Variants in C8orf34 observed in about 807,000 individuals in gnomAD.
C8orf34 encodes chromosome 8 open reading frame 34, also known as uncharacterized protein C8orf34.
Under a neutral mutation model 68.3 loss-of-function variants are expected in C8orf34, and 65 were observed. The observed-to-expected ratio is 0.95, with a 90% CI of 0.78 to 1.17. C8orf34 has a LOEUF of 1.17. Ranked by LOEUF, C8orf34 falls within the 50% of genes most tolerant of loss-of-function variation. The pLI is 0.00. For missense variants in C8orf34, 664 were observed against 655.4 expected (o/e 1.01, Z -0.14); for synonymous variants, 244 against 241.2 (o/e 1.01, Z -0.11).
At chr8:68,337,204 A>G (rs1466185835) in intron 1 of C8orf34, among the ~76,000 whole-genome samples, 1 of 152,208 alleles carries the variant, frequency 6.6e-6, no homozygotes, top group East Asian at 1.9e-4. Flanking sequence ...TGTAAATTAT[A>G]AAGGGAAAAA....
At chr8:68,641,024 T>C (rs981116507) in intron 8 of C8orf34, among the ~76,000 whole-genome samples, 1 of 152,230 alleles carries the variant, frequency 6.6e-6, no homozygotes, top group African/African-American at 2.4e-5. Context: ...AGCTTGTAGT[T>C]ACTGCCAAGT....
At position 68,533,062 on chromosome 8, in the gene C8orf34, C is replaced by G; in HGVS notation, c.1018C>G (p.Gln340Glu). ...GAAACTCCTGGCCGCAATGCTCTCT[C>G]AAGATTCTTTTGAGTCCATCCACAG... is the stretch of plus-strand genomic sequence containing the variant. ...HKKLLAAMLS[Q>E]DSFESIHSPT... is the part of the protein sequence containing the mutation. Residue 340 changes from glutamine (Q) to glutamate (E), a missense_variant, in exon 7 of 14, where the codon CAA (glutamine) becomes GAA (glutamate). Transcript: ENST00000518698. The G allele has an allele frequency of 6.2e-7, 1 of 1,612,930 alleles. No individual in the cohort carries two copies. The highest frequency in any genetic ancestry group is 8.5e-7 in the Non-Finnish European group (1 of 1,179,084).
intron 12 of C8orf34, chr8:68,790,759 T>A: frequency 1.6e-6 from 1 of 609,072 alleles, no homozygotes; most frequent in Non-Finnish European, 2.9e-6. Flanking sequence ...AAATTCCAAA[T>A]ATTTGAATCT....
intron 12 of C8orf34, among the ~76,000 whole-genome samples, chr8:68,804,796 C>T (rs1302311984): frequency 2.7e-5 from 4 of 150,306 alleles, no homozygotes; most frequent in Non-Finnish European, 4.4e-5. Context: ...AATAAATAAA[C>T]AAACAAACAA....
chr8:68,800,116 T>A (rs950225797), intron 12 of C8orf34, among the ~76,000 whole-genome samples: 6 of 151,990 alleles, frequency 3.9e-5, no homozygotes, highest in African/African-American at 1.5e-4. Context: ...AGATAAGAAG[T>A]GTGAATTGAT....
At chr8:68,570,047 A>G (rs1816716698) in intron 7 of C8orf34, among the ~76,000 whole-genome samples, 2 of 152,116 alleles carry the variant, frequency 1.3e-5, no homozygotes. Flanking sequence ...TCATGCTCTT[A>G]TATTCCCTAG....
intron 10 of C8orf34, among the ~76,000 whole-genome samples, chr8:68,763,582 C>T (rs1272626094): frequency 6.6e-6 from 1 of 152,094 alleles, no homozygotes; most frequent in Non-Finnish European, 1.5e-5. Context: ...TCCTGTTGAT[C>T]CTATATAGAT....
chr8:68,633,797 A>C, intron 7 of C8orf34, among the ~76,000 whole-genome samples: 1 of 152,208 alleles, frequency 6.6e-6, no homozygotes, highest in East Asian at 1.9e-4. Flanking sequence ...AGGAAGAAAG[A>C]AAAAAGAAGG....
intron 7 of C8orf34, among the ~76,000 whole-genome samples, chr8:68,594,219 CTG>C (rs1817477601): frequency 6.6e-6 from 1 of 151,878 alleles, no homozygotes; most frequent in South Asian, 2.1e-4. Flanking sequence ...CAAATGCACT[CTG>C]TTTATTTTTC....
chr8:68,434,573 G>A (rs895781046), intron 1 of C8orf34, among the ~76,000 whole-genome samples: 2 of 152,232 alleles, frequency 1.3e-5, no homozygotes, highest in Non-Finnish European at 2.9e-5. Context: ...TTGGTTCCGA[G>A]TCTTTGCTAT....
intron 8 of C8orf34, among the ~76,000 whole-genome samples, chr8:68,681,492 T>C (rs572834949): frequency 2.2e-4 from 33 of 152,276 alleles, no homozygotes; most frequent in African/African-American, 7.7e-4. Context: ...AAATGACTTT[T>C]ATCCCAAAGA....
intron 1 of C8orf34, among the ~76,000 whole-genome samples, chr8:68,423,384 AACTTTACTCC>A: frequency 6.6e-6 from 1 of 152,234 alleles, no homozygotes; most frequent in South Asian, 2.1e-4. Context: ...GCAAGATGGG[AACTTTACTCC>A]AGTTTCCAAC....
chr8:68,474,291 G>A (rs1313279518), intron 4 of C8orf34, among the ~76,000 whole-genome samples: 2 of 152,146 alleles, frequency 1.3e-5, no homozygotes, highest in Non-Finnish European at 2.9e-5. Flanking sequence ...TGTGTGTTAG[G>A]TGGTGGTACC....
At chr8:68,377,383 G>C (rs1422614013) in intron 1 of C8orf34, among the ~76,000 whole-genome samples, 10 of 147,930 alleles carry the variant, frequency 6.8e-5, no homozygotes. Flanking sequence ...GGTGACAAAG[G>C]GAGACCCTGT....
intron 6 of C8orf34, among the ~76,000 whole-genome samples, chr8:68,523,212 T>A (rs1586313792): frequency 6.6e-6 from 1 of 152,358 alleles, no homozygotes; most frequent in South Asian, 2.1e-4. Flanking sequence ...GAGGGTAATT[T>A]TTTTAATACC....
intron 8 of C8orf34, among the ~76,000 whole-genome samples, chr8:68,702,093 T>A (rs1037964380): frequency 1.3e-5 from 2 of 152,044 alleles, no homozygotes; most frequent in African/African-American, 4.8e-5. Flanking sequence ...ATTCTGTATA[T>A]TTTACTTGTT....
At chr8:68,701,682 C>G (rs1821021471) in intron 8 of C8orf34, among the ~76,000 whole-genome samples, 1 of 152,026 alleles carries the variant, frequency 6.6e-6, no homozygotes, top group Non-Finnish European at 1.5e-5. Flanking sequence ...ATCAATACAG[C>G]AGGTTAAAGC....
At chr8:68,510,424 A>G (rs1245472161) in intron 5 of C8orf34, among the ~76,000 whole-genome samples, 2 of 152,166 alleles carry the variant, frequency 1.3e-5, no homozygotes, top group African/African-American at 4.8e-5. Flanking sequence ...ATTGCTCAGA[A>G]CTAGAATATT....
chr8:68,729,574 A>G (rs1051750554), intron 10 of C8orf34, among the ~76,000 whole-genome samples: 3 of 152,254 alleles, frequency 2.0e-5, no homozygotes, highest in African/African-American at 7.2e-5. Context: ...TAAGGCATGC[A>G]TAAAAAGATC....
Sources: gnomAD v4.1 joint callset for allele counts (sites outside exome capture counted in the v4.1 genomes callset) on GRCh38, gnomAD v4.1.1 for gene constraint, MANE v1.5 for transcripts, NCBI Gene and HGNC (gene_info 2026-07-23, HGNC 2026-07-21) for gene names.